ATP9B: variants seen among roughly 807,000 people sequenced by gnomAD.
The protein encoded by ATP9B is ATPase phospholipid transporting 9B.
In ATP9B, 110 loss-of-function variants were observed where a neutral mutation model predicts 146.1. The observed-to-expected ratio is 0.75, with a 90% confidence interval of 0.65 to 0.88. ATP9B has a LOEUF of 0.88. ATP9B is among the 40% of genes least tolerant of loss of function. The pLI, the probability that ATP9B is intolerant of heterozygous loss-of-function variation, is 0.00. For missense variants in ATP9B, 1,499 were observed against 1,496.4 expected, an observed-to-expected ratio of 1.00 and a Z score of -0.03; for synonymous variants, 604 against 569.7, an observed-to-expected ratio of 1.06 and a Z score of -0.86.
In ATP9B at chr18:79,329,217, C is replaced by A; in HGVS notation, c.1850C>A (p.Thr617Asn). ...GACCTCACCTCCATGCAGCTGAAGA[C>A]CCCCAGTGGCCAGGTCCTCAGCTTC... ...SRDLTSMQLKTPSGQVLSFCI... is the reference protein window; with the variant it reads ...SRDLTSMQLKNPSGQVLSFCI... Residue 617 changes from threonine to asparagine, a missense_variant, in exon 16 of 30, where the codon ACC becomes AAC. By Grantham distance (65) the Thr-to-Asn change is moderately conservative. Coordinates refer to ENST00000426216, the MANE Select transcript of ATP9B (RefSeq NM_198531.5). The A allele has an allele frequency of 1.2e-6, 2 of 1,612,624 alleles. No individual in the cohort carries two copies. The highest frequency in any genetic ancestry group is 1.7e-5 in the Admixed American group (1 of 59,934).
chr18:79,337,871 C>T (rs1434738292), intron 19 of ATP9B, among the ~76,000 whole-genome samples: 3 of 152,222 alleles, frequency 2.0e-5, no homozygotes, highest in Non-Finnish European at 4.4e-5. Context: ...TGCCCTTGCC[C>T]CCAGCCTGTC....
chr18:79,325,317 G>A lies in ATP9B; in HGVS notation c.1774-3824G>A, dbSNP rs540927944. ...TCTGTAGAAGTGCACGTCGGATTTT[G>A]TAACTGAAATGACTGCAAATGTAGG... On this transcript the variant is annotated intron_variant, in intron 15 of 29. Coordinates refer to ENST00000426216, the MANE Select transcript of ATP9B (RefSeq NM_198531.5). 4.6e-5 allele frequency among the ~76,000 whole-genome samples: 7 copies of A among 152,198 alleles called. No individual in the cohort carries two copies. In the South Asian group the frequency reaches 1.5e-3, roughly 32 times the overall value.
In ATP9B at chr18:79,133,402, G is replaced by A. The variant is rs144939797; in HGVS notation, c.667+7027G>A. On this transcript the variant is annotated intron_variant, in intron 5 of 29. Transcript: ENST00000426216. ...TTGCACCAACCTGTATTTCTGCTATGTAATGATATTTCATGAACACCTTCC... is the reference window on the plus strand; with the variant it reads ...TTGCACCAACCTGTATTTCTGCTATATAATGATATTTCATGAACACCTTCC... Among the ~76,000 whole-genome samples, 831 of 152,204 alleles carry A rather than the reference G, an allele frequency of 5.5e-3. 5 individuals are homozygous for A. Among genetic ancestry groups the A allele is most frequent in the South Asian group, 0.025 (119 of 4,802 alleles).
intron 7 of ATP9B, among the ~76,000 whole-genome samples, chr18:79,161,849 A>G (rs2094887654): frequency 6.6e-6 from 1 of 152,226 alleles, no homozygotes; most frequent in Non-Finnish European, 1.5e-5. Flanking sequence ...CCGTCTCAAA[A>G]AAAAAGAAGT....
At chr18:79,375,729 T>C in intron 29 of ATP9B, 1 of 985,416 alleles carries the variant, frequency 1.0e-6, no homozygotes. Context: ...GGGGCTGAGC[T>C]GCTGGAAAAC....
intron 7 of ATP9B, among the ~76,000 whole-genome samples, chr18:79,164,592 G>A (rs1226462829): frequency 6.6e-6 from 1 of 152,064 alleles, no homozygotes; most frequent in African/African-American, 2.4e-5. Flanking sequence ...GGTGGCGGGC[G>A]CCTGTAGTCC....
At chr18:79,350,840 C>T (rs1202252748) in intron 25 of ATP9B, among the ~76,000 whole-genome samples, 1 of 150,140 alleles carries the variant, frequency 6.7e-6, no homozygotes, top group Non-Finnish European at 1.5e-5. Flanking sequence ...GTGATCTCAG[C>T]TCGCTGCAAC....
chr18:79,167,681 C>T (rs1003759278), intron 7 of ATP9B, among the ~76,000 whole-genome samples: 27 of 152,272 alleles, frequency 1.8e-4, no homozygotes, highest in South Asian at 4.2e-4. Context: ...GGTCCATGGG[C>T]AGCCATGGGC....
intron 2 of ATP9B, among the ~76,000 whole-genome samples, chr18:79,103,014 T>C (rs1394951236): frequency 6.6e-6 from 1 of 152,282 alleles, no homozygotes; most frequent in African/African-American, 2.4e-5. Flanking sequence ...CTAAGAGTGG[T>C]TTTGTAGATT....
intron 4 of ATP9B, among the ~76,000 whole-genome samples, chr18:79,119,325 A>G (rs907496681): frequency 2.0e-5 from 3 of 152,226 alleles, no homozygotes; most frequent in East Asian, 3.8e-4. Flanking sequence ...TGAAGTGTGC[A>G]CACAAGCACA....
intron 1 of ATP9B, chr18:79,085,600 T>C (rs772720952): frequency 6.6e-6 from 1 of 152,230 alleles, no homozygotes; most frequent in Non-Finnish European, 1.5e-5. Flanking sequence ...ATTTGTTAAA[T>C]TGGTATTTCC....
intron 12 of ATP9B, among the ~76,000 whole-genome samples, chr18:79,260,018 CTGTT>C (rs1311843570): frequency 6.6e-6 from 1 of 152,078 alleles, no homozygotes; most frequent in African/African-American, 2.4e-5. Flanking sequence ...GGGAGATTCA[CTGTT>C]TGGAAAGCAT....
rs552537755 is a variant in ATP9B, at chr18:79,236,589, T to C, written c.1108-16792T>C. Among the ~76,000 whole-genome samples, 23 of 152,366 alleles carry C rather than the reference T, an allele frequency of 1.5e-4. No homozygotes were observed. In the South Asian group the frequency reaches 4.8e-3, roughly 32 times the overall value. ...CTGTTACATTTCTAAACATCTAGAA[T>C]TGGTTTTTGTATATAAGAAGAAGTA... is the stretch of plus-strand genomic sequence containing the variant. On this transcript the variant is annotated intron_variant, in intron 11 of 29. Transcript: ENST00000426216.
intron 2 of ATP9B, among the ~76,000 whole-genome samples, chr18:79,100,953 A>T (rs2075231781): frequency 6.6e-6 from 1 of 152,196 alleles, no homozygotes; most frequent in Non-Finnish European, 1.5e-5. Flanking sequence ...CTCCCACAAC[A>T]GGTGGGAATT....
chr18:79,326,861 C>A (rs2096750093), intron 15 of ATP9B, among the ~76,000 whole-genome samples: 1 of 152,178 alleles, frequency 6.6e-6, no homozygotes, highest in South Asian at 2.1e-4. Flanking sequence ...TGGTGGCCTC[C>A]CTGTGCTGAC....
intron 1 of ATP9B, among the ~76,000 whole-genome samples, chr18:79,073,725 C>T (rs1030415630): frequency 6.6e-6 from 1 of 152,206 alleles, no homozygotes; most frequent in African/African-American, 2.4e-5. Context: ...CTGTTATCTC[C>T]ACTCTATTCT....
chr18:79,316,898 C>T (rs944218430), intron 15 of ATP9B, among the ~76,000 whole-genome samples: 5 of 151,976 alleles, frequency 3.3e-5, no homozygotes, highest in African/African-American at 4.8e-5. Flanking sequence ...TACAAAACAG[C>T]GAATGTAAAC....
chr18:79,351,918 C>G (rs548581258), intron 25 of ATP9B, among the ~76,000 whole-genome samples: 2 of 152,186 alleles, frequency 1.3e-5, no homozygotes, highest in East Asian at 3.9e-4. Flanking sequence ...CCCTTGCCCC[C>G]CAAGCAGGCC....
intron 26 of ATP9B, among the ~76,000 whole-genome samples, chr18:79,367,119 A>G (rs2097035544): frequency 7.4e-6 from 1 of 134,570 alleles, no homozygotes; most frequent in South Asian, 2.8e-4. Context: ...GAGAGCACAC[A>G]TATCTTCACC....
Sources: allele counts gnomAD v4.1 joint callset (sites outside exome capture counted in the v4.1 genomes callset), GRCh38; gene constraint gnomAD v4.1.1; transcripts MANE v1.5; gene names NCBI Gene and HGNC (gene_info 2026-07-23, HGNC 2026-07-21).